Variants in MRE11 observed in about 807,000 individuals in gnomAD.
The protein encoded by MRE11 is MRE11 double strand break repair nuclease.
Under a neutral mutation model 91.7 loss-of-function variants are expected in MRE11, and 62 were observed. That is an observed-to-expected ratio of 0.68 (90% CI 0.55 to 0.84). MRE11 has a LOEUF of 0.84. Among genes scored for constraint, MRE11 ranks in the 40% least tolerant of loss-of-function variants. The probability of loss-of-function intolerance (pLI) is 0.00; values close to 1 mark genes in which losing one functional copy is unlikely to be tolerated. For missense variants in MRE11, 796 were observed against 852.9 expected (o/e 0.93, Z 0.83); for synonymous variants, 273 against 271.4 (o/e 1.01, Z -0.06).
In MRE11 at chr11:94,437,221, T is replaced by C. The variant is rs1411087205; in HGVS notation, c.1882A>G (p.Arg628Gly). 1 of 1,612,896 alleles carries C rather than the reference T, an allele frequency of 6.2e-7. No homozygotes were observed. Among genetic ancestry groups the C allele is most frequent in the Non-Finnish European group, 8.5e-7 (1 of 1,179,466 alleles). ...GTGACATTTCGGGAAGGCTGCTGTCTTGTAGATTTAAAGGCTAGAATGAAA... is the reference window on the plus strand; with the variant it reads ...GTGACATTTCGGGAAGGCTGCTGTCCTGTAGATTTAAAGGCTAGAATGAAA... Reference protein sequence around the residue: ...MSIIDAFKSTRQQPSRNVTTK... With the variant: ...MSIIDAFKSTGQQPSRNVTTK... The change falls in exon 17 of 20, where the codon AGA (arginine) becomes GGA (glycine). Residue 628 changes from arginine to glycine, a missense_variant. Physicochemically the swap from Arg to Gly is moderately radical, Grantham distance 125. Coordinates refer to ENST00000323929, the MANE Select transcript of MRE11 (RefSeq NM_005591.4).
intron 19 of MRE11, among the ~76,000 whole-genome samples, chr11:94,424,232 A>T (rs1464015320): frequency 6.6e-6 from 1 of 152,220 alleles, no homozygotes; most frequent in African/African-American, 2.4e-5. Context: ...ATCACAGCCA[A>T]AATTACAACA....
At chr11:94,450,195 C>T (rs973575889) in intron 14 of MRE11, among the ~76,000 whole-genome samples, 1 of 152,120 alleles carries the variant, frequency 6.6e-6, no homozygotes, top group Non-Finnish European at 1.5e-5. Flanking sequence ...AAAAAGATTA[C>T]GTATTGATCA....
At chr11:94,463,731 T>TGA (rs1480332355) in intron 11 of MRE11, among the ~76,000 whole-genome samples, 1 of 135,748 alleles carries the variant, frequency 7.4e-6, no homozygotes, top group Non-Finnish European at 1.5e-5. Context: ...AATTGAACAA[T>TGA]GAGAACACTT....
Position 94,459,488 on chromosome 11 carries a change from C to T in MRE11, c.1420G>A (p.Val474Met), listed in dbSNP as rs778781414. Residue 474 changes from valine (V) to methionine (M), a missense_variant, in exon 13 of 20, where the codon GTG becomes ATG. Coordinates refer to ENST00000323929, the MANE Select transcript of MRE11 (RefSeq NM_005591.4). ...KEEKDAIEEL[V>M]KYQLEKTQRF... ...TGTGTTTTTTCCAACTGGTATTTCA[C>T]TAATTCCTCAATGGCATCTTTCTCC... The T allele has an allele frequency of 1.9e-5, 31 of 1,614,068 alleles. No homozygotes were observed. Among genetic ancestry groups the T allele is most frequent in the Non-Finnish European group, 2.5e-5 (30 of 1,179,946 alleles).
Position 94,419,465 on chromosome 11 carries a change from G to GGAGA in MRE11, c.*656_*659dup, listed in dbSNP as rs201800515. 0.13 allele frequency: 27,209 copies of GGAGA among 215,116 alleles called. 1,149 individuals carry two copies. The highest frequency in any genetic ancestry group is 0.14 in the Non-Finnish European group (16,154 of 112,198). The allele number at this position is 215,116 out of a possible 1,614,324, so 13.3% of individuals were successfully genotyped here. ...GAAGAGTGGGGAACGGGGGGGAGAG[G>GGAGA]GAGAGAGAGAGAGAGAGAGAGAGAG... On this transcript the variant is annotated 3_prime_UTR_variant, in exon 20 of 20. Transcript: ENST00000323929.
chr11:94,426,730 T>C (rs952087495), intron 19 of MRE11, among the ~76,000 whole-genome samples: 3 of 152,078 alleles, frequency 2.0e-5, no homozygotes, highest in East Asian at 1.9e-4. Context: ...GACATTACAA[T>C]TGACCCCACA....
In MRE11 at chr11:94,467,820, C is replaced by T. The variant is rs140528613; in HGVS notation, c.1091G>A (p.Arg364Gln). 17 of 1,611,706 alleles carry T rather than the reference C, an allele frequency of 1.1e-5. No individual in the cohort carries two copies. The highest frequency in any genetic ancestry group is 6.7e-5 in the Admixed American group (4 of 59,980). The part of the protein sequence containing the change: ...NSHQPEKPLV[R>Q]LRVDYSGGFE... ...TATATAAATAGGACTTACTCGCAGTCGTACAAGAGGCTTCTCTGGCTGGTG... is the reference window on the plus strand; with the variant it reads ...TATATAAATAGGACTTACTCGCAGTTGTACAAGAGGCTTCTCTGGCTGGTG... Residue 364 changes from arginine to glutamine, a missense_variant, in exon 10 of 20, where the codon CGA becomes CAA. By Grantham distance (43) the Arg-to-Gln change is conservative. Coordinates refer to ENST00000323929, the MANE Select transcript of MRE11 (RefSeq NM_005591.4).
intron 18 of MRE11, among the ~76,000 whole-genome samples, chr11:94,432,948 T>A (rs1331543155): frequency 6.6e-6 from 1 of 152,244 alleles, no homozygotes; most frequent in Non-Finnish European, 1.5e-5. Flanking sequence ...GTGGAACTTT[T>A]AATTATATGC....
Position 94,456,332 on chromosome 11 carries a change from G to A in MRE11, c.1507C>T (p.Arg503Cys), listed in dbSNP as rs761458720. The A allele has an allele frequency of 2.6e-5, 42 of 1,611,552 alleles. No individual in the cohort carries two copies. Among genetic ancestry groups the A allele is most frequent in the Middle Eastern group, 1.6e-4 (1 of 6,080 alleles). The change falls in exon 14 of 20, where the codon CGT (arginine) becomes TGT (cysteine). Residue 503 changes from arginine to cysteine, a missense_variant. By Grantham distance (180) the Arg-to-Cys change is radical. Transcript: ENST00000323929. The stretch of plus-strand genomic sequence containing the variant: ...TTTTTTTGTCTGGTTTCTCTGAAAC[G>A]ACGTACCTAGATCATAACAGAGTAA... Reference protein sequence around the residue: ...LEDKIDEEVRRFRETRQKNTN... With the variant: ...LEDKIDEEVRCFRETRQKNTN...
intron 16 of MRE11, 144 bp downstream of exon 16, chr11:94,445,666 C>A: frequency 1.4e-6 from 1 of 700,030 alleles, no homozygotes. Flanking sequence ...TAGCAAAGAT[C>A]TTTTAAAAAA....
chr11:94,489,666 ATAAACT>A (rs1947235108), intron 3 of MRE11, among the ~76,000 whole-genome samples: 1 of 152,164 alleles, frequency 6.6e-6, no homozygotes, highest in South Asian at 2.1e-4. Context: ...GACCTAGCAG[ATAAACT>A]TAAGAGAACT....
intron 10 of MRE11, among the ~76,000 whole-genome samples, chr11:94,466,732 C>T (rs1410854542): frequency 1.3e-5 from 2 of 152,160 alleles, no homozygotes; most frequent in Non-Finnish European, 2.9e-5. Flanking sequence ...ATATACATTT[C>T]TTGGAGATTT....
intron 17 of MRE11, among the ~76,000 whole-genome samples, chr11:94,436,644 A>G (rs1945624644): frequency 6.6e-6 from 1 of 152,204 alleles, no homozygotes; most frequent in African/African-American, 2.4e-5. Flanking sequence ...TAAGACACAC[A>G]GTTTTGAAAG....
chr11:94,437,083 C>T, intron 17 of MRE11, 94 bp downstream of exon 17: 1 of 1,108,598 alleles, frequency 9.0e-7, no homozygotes, highest in Non-Finnish European at 1.3e-6. Context: ...CATAATTTTT[C>T]TTCTTTTATT....
intron 6 of MRE11, among the ~76,000 whole-genome samples, chr11:94,476,864 C>T (rs13447619): frequency 0.016 from 2,405 of 152,136 alleles, 67 homozygotes; most frequent in African/African-American, 0.056. Context: ...GGGATTACAG[C>T]ATGCACCACC....
At chr11:94,439,626 A>G (rs1945720207) in intron 16 of MRE11, among the ~76,000 whole-genome samples, 1 of 152,218 alleles carries the variant, frequency 6.6e-6, no homozygotes, top group African/African-American at 2.4e-5. Context: ...AAGGGATCTG[A>G]TGCTTGTAGA....
At chr11:94,492,625 T>C in intron 2 of MRE11, 157 bp downstream of exon 2, 1 of 1,292,452 alleles carries the variant, frequency 7.7e-7, no homozygotes. Flanking sequence ...GATAAATATT[T>C]AAAACATTCC....
chr11:94,436,022 G>C lies in MRE11; in HGVS notation c.1927-123C>G, dbSNP rs1945601739. 1.6e-5 allele frequency: 14 copies of C among 872,724 alleles called. No individual in the cohort carries two copies. In the South Asian group the frequency reaches 1.9e-4, roughly 12 times the overall value. The allele number at this position is 872,724 out of a possible 1,614,324, so 54.1% of individuals were successfully genotyped here. A position where few individuals can be genotyped will look rare whatever the true frequency, so the allele number is the denominator to read the frequency against. On this transcript the variant is annotated intron_variant, in intron 17 of 19. Transcript: ENST00000323929. Reference sequence around the variant, plus strand: ...TATATGAGCCACAAAAAAGGAGACAGAAAGCCATAACCATTAAAACTAACA... The same window carrying C: ...TATATGAGCCACAAAAAAGGAGACACAAAGCCATAACCATTAAAACTAACA...
chr11:94,506,591 T>TAG, the MRE11 span, among the ~76,000 whole-genome samples: 47 of 148,012 alleles, frequency 3.2e-4, no homozygotes, highest in African/African-American at 3.1e-4. Context: ...ATTGCTTTTT[T>TAG]TGTTTTTTTT....
Sources: allele counts gnomAD v4.1 joint callset (sites outside exome capture counted in the v4.1 genomes callset), GRCh38; gene constraint gnomAD v4.1.1; transcripts MANE v1.5; gene names NCBI Gene and HGNC (gene_info 2026-07-23, HGNC 2026-07-21).